Variants in CDH12 observed in about 807,000 individuals in gnomAD.
The protein encoded by CDH12 is cadherin 12, also known as cadherin-12.
Under a neutral mutation model 74.1 loss-of-function variants are expected in CDH12, and 41 were observed. The observed-to-expected ratio is 0.55, with a 90% CI of 0.43 to 0.72. CDH12 has a LOEUF of 0.72. Ranked by LOEUF, CDH12 falls within the 30% of genes least tolerant of loss-of-function variation. The probability of loss-of-function intolerance (pLI) is 0.00; values close to 1 mark genes in which losing one functional copy is unlikely to be tolerated. For synonymous variants in CDH12, 399 were observed against 355.0 expected, an observed-to-expected ratio of 1.12 and a Z score of -1.39; for missense variants, 945 against 977.2, an observed-to-expected ratio of 0.97 and a Z score of 0.44.
At chr5:22,495,335 C>A (rs1251879662) in intron 2 of CDH12, among the ~76,000 whole-genome samples, 2 of 152,044 alleles carry the variant, frequency 1.3e-5, no homozygotes, top group Non-Finnish European at 2.9e-5. Flanking sequence ...AATTTTTGAA[C>A]ATTGATTATG....
chr5:22,439,955 A>C (rs1744559087), intron 2 of CDH12, among the ~76,000 whole-genome samples: 1 of 152,088 alleles, frequency 6.6e-6, no homozygotes, highest in Non-Finnish European at 1.5e-5. Flanking sequence ...ATTTACACTT[A>C]CAATTTTCAA....
chr5:22,288,614 G>T (rs1355660899), intron 3 of CDH12, among the ~76,000 whole-genome samples: 3 of 152,306 alleles, frequency 2.0e-5, no homozygotes, highest in African/African-American at 7.2e-5. Context: ...GCCTTTTAGT[G>T]CAGAATTCGT....
Position 22,598,132 on chromosome 5 carries a change from G to A in CDH12, c.-522-92768C>T, listed in dbSNP as rs146631080. On this transcript the variant is annotated intron_variant, in intron 1 of 14. Transcript: ENST00000382254. ...GTATAAAACTAAGTGCTCAGATGAT[G>A]TAATGCTGAAGTTCCATTTCCATTT... 2.4e-3 allele frequency among the ~76,000 whole-genome samples: 359 copies of A among 152,208 alleles called. 3 individuals carry two copies. The highest frequency in any genetic ancestry group is 8.2e-3 in the African/African-American group (342 of 41,540).
chr5:22,711,111 G>T (rs534091282), intron 1 of CDH12, among the ~76,000 whole-genome samples: 1 of 151,730 alleles, frequency 6.6e-6, no homozygotes, highest in Admixed American at 6.6e-5. Context: ...TTGTAAAATT[G>T]GGAAAATCTA....
At chr5:22,097,236 C>T (rs574069564) in intron 4 of CDH12, among the ~76,000 whole-genome samples, 1 of 152,308 alleles carries the variant, frequency 6.6e-6, no homozygotes, top group Non-Finnish European at 1.5e-5. Context: ...CACCTGGCAG[C>T]CACTCCCAGA....
chr5:22,195,180 G>C (rs1226906348), intron 4 of CDH12, among the ~76,000 whole-genome samples: 11 of 152,342 alleles, frequency 7.2e-5, no homozygotes, highest in Middle Eastern at 3.4e-3. Context: ...GCTAGAATCA[G>C]TGACAGGGCA....
intron 5 of CDH12, among the ~76,000 whole-genome samples, chr5:22,048,189 G>A (rs1740098849): frequency 6.6e-6 from 1 of 152,090 alleles, no homozygotes; most frequent in South Asian, 2.1e-4. Context: ...AGACTGTGAG[G>A]ATGAAAATGG....
At chr5:21,994,873 G>A (rs1736177160) in intron 5 of CDH12, among the ~76,000 whole-genome samples, 1 of 152,152 alleles carries the variant, frequency 6.6e-6, no homozygotes, top group African/African-American at 2.4e-5. Flanking sequence ...GGACCAATCA[G>A]CAGGATGTGG....
chr5:22,810,905 A>ATGTGTG (rs113641421), intron 1 of CDH12, among the ~76,000 whole-genome samples: 5 of 146,858 alleles, frequency 3.4e-5, no homozygotes, highest in African/African-American at 1.3e-4. Flanking sequence ...AAACAAATAT[A>ATGTGTG]TGTGTGTGTG....
chr5:22,129,384 A>G (rs1433945904), intron 4 of CDH12, among the ~76,000 whole-genome samples: 4 of 152,200 alleles, frequency 2.6e-5, no homozygotes, highest in Admixed American at 2.6e-4. Flanking sequence ...ATTACACTAT[A>G]CAAATGACAC....
intron 4 of CDH12, among the ~76,000 whole-genome samples, chr5:22,166,399 G>GT (rs1007488298): frequency 1.3e-5 from 2 of 151,944 alleles, no homozygotes; most frequent in Non-Finnish European, 2.9e-5. Flanking sequence ...AAGTCAATGG[G>GT]TTTTTTTGCT....
chr5:22,244,738 AGAAAAGAAAG>A (rs1561251000), intron 3 of CDH12, among the ~76,000 whole-genome samples: 1 of 113,848 alleles, frequency 8.8e-6, no homozygotes, highest in African/African-American at 3.3e-5. Flanking sequence ...AAAGAAAGAA[AGAAAAGAAAG>A]AAAGAAAGAA....
chr5:22,836,405 A>G (rs1386958686), intron 1 of CDH12, among the ~76,000 whole-genome samples: 2 of 149,570 alleles, frequency 1.3e-5, no homozygotes, highest in Admixed American at 6.7e-5. Context: ...TTTTTCTTGT[A>G]TTTTTTGTAG....
At chr5:22,669,924 T>G (rs4299697) in intron 1 of CDH12, among the ~76,000 whole-genome samples, 102,628 of 152,088 alleles carry the variant, frequency 0.67, 34,870 homozygotes, top group Admixed American at 0.73. Flanking sequence ...GACTGTACAT[T>G]ATAAATCTGG....
At chr5:21,926,516 C>CTAT (rs1370830985) in intron 6 of CDH12, among the ~76,000 whole-genome samples, 1 of 152,122 alleles carries the variant, frequency 6.6e-6, no homozygotes, top group Non-Finnish European at 1.5e-5. Flanking sequence ...AGGGCAACAC[C>CTAT]ACCAGTTTCA....
chr5:22,637,110 A>G (rs2126864893), intron 1 of CDH12, among the ~76,000 whole-genome samples: 2 of 152,392 alleles, frequency 1.3e-5, no homozygotes, highest in South Asian at 4.1e-4. Context: ...CAGAAATCAT[A>G]CATTCATTAA....
chr5:22,826,956 A>G (rs771706634), intron 1 of CDH12, among the ~76,000 whole-genome samples: 3 of 152,246 alleles, frequency 2.0e-5, no homozygotes, highest in African/African-American at 7.2e-5. Context: ...AGAAATTTGC[A>G]TAAGTAACGA....
chr5:22,119,653 T>C (rs1028944914), intron 4 of CDH12, among the ~76,000 whole-genome samples: 1 of 152,076 alleles, frequency 6.6e-6, no homozygotes, highest in Non-Finnish European at 1.5e-5. Context: ...AAATTATGGG[T>C]TTTTGTCAAA....
chr5:22,191,550 T>G (rs1219145811), intron 4 of CDH12, among the ~76,000 whole-genome samples: 4 of 130,890 alleles, frequency 3.1e-5, no homozygotes, highest in African/African-American at 1.1e-4. Context: ...TATACACCAA[T>G]GGTCTTTTTA....
Sources: gnomAD v4.1 joint callset for allele counts (sites outside exome capture counted in the v4.1 genomes callset) on GRCh38, gnomAD v4.1.1 for gene constraint, MANE v1.5 for transcripts, NCBI Gene and HGNC (gene_info 2026-07-23, HGNC 2026-07-21) for gene names.